NRXN1: variants seen among roughly 807,000 people sequenced by gnomAD.
NRXN1 encodes neurexin-1.
NRXN1 carries 39 observed loss-of-function variants against 150.9 expected under a neutral mutation model. The observed-to-expected ratio is 0.26, with a 90% confidence interval of 0.20 to 0.34. The LOEUF is 0.34. Ranked by LOEUF, NRXN1 falls within the 10% of genes least tolerant of loss-of-function variation. The pLI is 1.00. For missense variants in NRXN1, 1,815 were observed against 1,949.9 expected (o/e 0.93, Z 1.30); for synonymous variants, 924 against 757.0 (o/e 1.22, Z -3.62).
intron 18 of NRXN1, among the ~76,000 whole-genome samples, chr2:50,167,874 T>C (rs985825504): frequency 1.2e-4 from 18 of 152,188 alleles, no homozygotes; most frequent in African/African-American, 4.1e-4. Flanking sequence ...ACATGCATAG[T>C]AGACTTCTGA....
intron 17 of NRXN1, among the ~76,000 whole-genome samples, chr2:50,261,152 C>T (rs78029909): frequency 0.044 from 6,665 of 151,800 alleles, 464 homozygotes; most frequent in African/African-American, 0.15. Context: ...TGAGCATTTA[C>T]ACTGTAGAAG....
At chr2:50,987,407 T>C (rs1029928731) in intron 2 of NRXN1, among the ~76,000 whole-genome samples, 5 of 151,946 alleles carry the variant, frequency 3.3e-5, no homozygotes, top group African/African-American at 1.2e-4. Flanking sequence ...AACATATGAT[T>C]TGGGAAATGT....
chr2:50,092,175 T>A (rs1699669153), intron 18 of NRXN1, among the ~76,000 whole-genome samples: 1 of 152,216 alleles, frequency 6.6e-6, no homozygotes, highest in South Asian at 2.1e-4. Flanking sequence ...TAAGCTAAGT[T>A]GAAGCAAAGA....
At chr2:49,979,897 G>GGT (rs1553447346) in intron 21 of NRXN1, among the ~76,000 whole-genome samples, 1 of 103,614 alleles carries the variant, frequency 9.7e-6, no homozygotes, top group African/African-American at 3.5e-5. Context: ...GTCTTATATT[G>GGT]TTTTTTTGGT....
chr2:49,980,198 T>C (rs1188361678), intron 21 of NRXN1, among the ~76,000 whole-genome samples: 1 of 152,186 alleles, frequency 6.6e-6, no homozygotes, highest in Admixed American at 6.6e-5. Context: ...ATAGTTGTTG[T>C]TAAAGTTTAT....
At chr2:50,436,847 C>T (rs529366794) in intron 17 of NRXN1, among the ~76,000 whole-genome samples, 2 of 152,180 alleles carry the variant, frequency 1.3e-5, no homozygotes, top group South Asian at 4.2e-4. Flanking sequence ...TTTGTGATGT[C>T]TGGAGATACT....
chr2:50,139,324 CAAAA>C (rs35142652), intron 18 of NRXN1, among the ~76,000 whole-genome samples: 1 of 77,400 alleles, frequency 1.3e-5, no homozygotes, highest in Non-Finnish European at 2.6e-5. Flanking sequence ...GACTTGGTAT[CAAAA>C]AAAAAAAAAA....
chr2:50,890,263 G>A lies in NRXN1; in HGVS notation c.832+31606C>T, dbSNP rs146560591. Among the ~76,000 whole-genome samples, 528 of 151,902 alleles carry A rather than the reference G, an allele frequency of 3.5e-3. 3 individuals carry two copies. Among genetic ancestry groups the A allele is most frequent in the African/African-American group, 0.012 (487 of 41,524 alleles). ...AGAATTCCTTGTAAAAGGTGGTGAA[G>A]TGAGTGAAACTCTAACCTTAAAATA... is the stretch of plus-strand genomic sequence containing the variant. On this transcript the variant is annotated intron_variant, in intron 5 of 22. Coordinates refer to ENST00000401669, the MANE Select transcript of NRXN1 (RefSeq NM_001330078.2).
intron 17 of NRXN1, among the ~76,000 whole-genome samples, chr2:50,418,407 T>C (rs147263407): frequency 6.6e-6 from 1 of 152,212 alleles, no homozygotes; most frequent in African/African-American, 2.4e-5. Context: ...TTATTTTAGA[T>C]GCTGCAAATC....
intron 2 of NRXN1, among the ~76,000 whole-genome samples, chr2:50,965,191 A>C (rs1182547133): frequency 1.3e-5 from 2 of 151,494 alleles, no homozygotes; most frequent in Non-Finnish European, 3.0e-5. Flanking sequence ...ATATTGTGTC[A>C]TATGTATTTA....
At chr2:51,001,238 G>GGT (rs1700030388) in intron 2 of NRXN1, among the ~76,000 whole-genome samples, 2 of 126,984 alleles carry the variant, frequency 1.6e-5, no homozygotes, top group African/African-American at 6.4e-5. Context: ...TGGGGTTGGG[G>GGT]GGGGGGGGCG....
At chr2:50,913,191 A>T (rs1189380850) in intron 5 of NRXN1, among the ~76,000 whole-genome samples, 2 of 151,812 alleles carry the variant, frequency 1.3e-5, no homozygotes, top group Non-Finnish European at 2.9e-5. Flanking sequence ...ATCAAACATT[A>T]TCTGTTCACT....
chr2:50,709,526 G>A (rs1170498422), intron 5 of NRXN1, among the ~76,000 whole-genome samples: 1 of 152,114 alleles, frequency 6.6e-6, no homozygotes, highest in African/African-American at 2.4e-5. Context: ...TCACTTCAGA[G>A]AAGGTACCAC....
chr2:50,680,980 TA>T (rs535719777), intron 5 of NRXN1, among the ~76,000 whole-genome samples: 3 of 150,540 alleles, frequency 2.0e-5, no homozygotes, highest in Non-Finnish European at 3.0e-5. Flanking sequence ...GTTAACTTAG[TA>T]AAAAAAAAAT....
chr2:50,629,106 C>T (rs1274408121), intron 5 of NRXN1, among the ~76,000 whole-genome samples: 1 of 151,698 alleles, frequency 6.6e-6, no homozygotes, highest in South Asian at 2.1e-4. Flanking sequence ...TATGATCCAC[C>T]AATTCCACTC....
At chr2:50,476,052 C>A (rs1320436197) in intron 15 of NRXN1, among the ~76,000 whole-genome samples, 1 of 151,972 alleles carries the variant, frequency 6.6e-6, no homozygotes, top group Non-Finnish European at 1.5e-5. Context: ...AAATGAGTGG[C>A]TGATTTTTAA....
chr2:50,012,953 T>C (rs4971632), intron 21 of NRXN1, among the ~76,000 whole-genome samples: 127,019 of 152,006 alleles, frequency 0.84, 53,167 homozygotes, highest in Middle Eastern at 0.88. Flanking sequence ...GGCACATGCT[T>C]TGCTAGTGGA....
chr2:50,182,214 G>C (rs1323593491), intron 18 of NRXN1, among the ~76,000 whole-genome samples: 1 of 150,206 alleles, frequency 6.7e-6, no homozygotes, highest in Non-Finnish European at 1.5e-5. Context: ...TCTAGAATAT[G>C]GTAGACTCTC....
intron 12 of NRXN1, among the ~76,000 whole-genome samples, chr2:50,522,365 T>C (rs1012308929): frequency 3.9e-5 from 6 of 152,218 alleles, no homozygotes; most frequent in East Asian, 1.9e-4. Flanking sequence ...TTTGATCAAT[T>C]TGGTCAACAC....
Sources: gnomAD v4.1 joint callset for allele counts (sites outside exome capture counted in the v4.1 genomes callset) on GRCh38, gnomAD v4.1.1 for gene constraint, MANE v1.5 for transcripts, NCBI Gene and HGNC (gene_info 2026-07-23, HGNC 2026-07-21) for gene names.